Variants in SPON2 observed in about 807,000 individuals in gnomAD.
SPON2 encodes spondin-2.
A neutral mutation model predicts 29.9 loss-of-function variants in SPON2; 32 were observed. That is an observed-to-expected ratio of 1.07 (90% CI 0.81 to 1.44). SPON2 has a LOEUF of 1.44. Among genes scored for constraint, SPON2 ranks in the 40% most tolerant of loss-of-function variants. The pLI is 0.00. For missense variants in SPON2, 541 were observed against 455.5 expected, an observed-to-expected ratio of 1.19 and a Z score of -1.71; for synonymous variants, 248 against 209.1, an observed-to-expected ratio of 1.19 and a Z score of -1.61.
chr4:1,175,812 TGTG>T (rs1279130662), upstream of SPON2, among the ~76,000 whole-genome samples: 3 of 151,712 alleles, frequency 2.0e-5, no homozygotes, highest in Non-Finnish European at 4.4e-5. Flanking sequence ...CTAGCTAGGA[TGTG>T]GGGTGGTGGT....
chr4:1,185,969 G>A (rs532580973), intron 1 of SPON2, among the ~76,000 whole-genome samples: 90 of 151,968 alleles, frequency 5.9e-4, no homozygotes, highest in African/African-American at 1.7e-3. Flanking sequence ...ATCTGGCCGG[G>A]CGTGGTGGCT....
At chr4:1,174,843 G>A (rs907663850), upstream of SPON2, among the ~76,000 whole-genome samples, 1 of 152,234 alleles carries the variant, frequency 6.6e-6, no homozygotes, top group East Asian at 1.9e-4. Flanking sequence ...TGTGCTGTTG[G>A]TTGAAGTCTA....
At chr4:1,183,196 C>T (rs1034961001) in intron 1 of SPON2, among the ~76,000 whole-genome samples, 16 of 147,112 alleles carry the variant, frequency 1.1e-4, no homozygotes, top group Middle Eastern at 3.2e-3. Flanking sequence ...CAGCAGAGAT[C>T]GCACCACTGC....
chr4:1,185,414 A>T (rs1727772775), intron 1 of SPON2, among the ~76,000 whole-genome samples: 1 of 151,852 alleles, frequency 6.6e-6, no homozygotes, highest in Admixed American at 6.6e-5. Context: ...GAAAACCTGG[A>T]CATCCACATG....
chr4:1,187,317 T>G (rs1577905819), intron 1 of SPON2, among the ~76,000 whole-genome samples: 2 of 152,296 alleles, frequency 1.3e-5, no homozygotes, highest in Middle Eastern at 6.8e-3. Flanking sequence ...CTTAGAATAG[T>G]CACATTCAGA....
upstream of SPON2, among the ~76,000 whole-genome samples, chr4:1,175,740 G>C (rs1727582138): frequency 6.6e-6 from 1 of 151,898 alleles, no homozygotes; most frequent in Admixed American, 6.6e-5. Flanking sequence ...GTAGTGGTGG[G>C]CCCAGGCCTC....
At chr4:1,198,579 C>T (rs1269386154), upstream of SPON2, among the ~76,000 whole-genome samples, 1 of 151,964 alleles carries the variant, frequency 6.6e-6, no homozygotes. Context: ...GCAGCATCAG[C>T]GGATTCTACA....
upstream of SPON2, chr4:1,199,116 A>C (rs1393095315): frequency 6.6e-6 from 1 of 152,164 alleles, no homozygotes; most frequent in Middle Eastern, 3.2e-3. This position sits in a 1 kb window ranked among gnomAD's most constrained non-coding sequence, Gnocchi z 4.5. Context: ...ATTAAAAATC[A>C]GGCCAGGTGC....
intron 1 of SPON2, among the ~76,000 whole-genome samples, chr4:1,200,469 C>T (rs933756800): frequency 2.7e-4 from 41 of 151,900 alleles, no homozygotes; most frequent in African/African-American, 8.7e-4. Context: ...GCCCTGGTGT[C>T]AGAGCAGGGG....
In SPON2 at chr4:1,167,712, A is replaced by G; in HGVS notation, c.812-56T>C. 2.6e-6 allele frequency: 4 copies of G among 1,521,274 alleles called. No homozygotes were observed. The South Asian group carries it at 5.1e-5, about 19-fold the overall frequency. The allele number at this position is 1,521,274 out of a possible 1,614,324, so 94.2% of individuals were successfully genotyped here. On this transcript the variant is annotated intron_variant, in intron 5 of 5. Coordinates refer to ENST00000290902, the MANE Select transcript of SPON2 (RefSeq NM_012445.4). ...ACGCTCGCGTGAAGAGGCGCTTCGT[A>G]CAAACGGAAGCCACCTCCCACCAAC... is the stretch of plus-strand genomic sequence containing the variant.
At chr4:1,175,360 G>C (rs1560204111), upstream of SPON2, among the ~76,000 whole-genome samples, 2 of 152,262 alleles carry the variant, frequency 1.3e-5, no homozygotes, top group African/African-American at 4.8e-5. Context: ...CTCACAGGAG[G>C]CCAAGGAGGC....
At chr4:1,176,479 T>G (rs1166348702), upstream of SPON2, among the ~76,000 whole-genome samples, 1 of 152,074 alleles carries the variant, frequency 6.6e-6, no homozygotes, top group East Asian at 1.9e-4. Flanking sequence ...CATTCATCCA[T>G]TCACACAGTA....
upstream of SPON2, among the ~76,000 whole-genome samples, chr4:1,175,343 A>T (rs1178780358): frequency 2.6e-5 from 4 of 152,216 alleles, no homozygotes; most frequent in Non-Finnish European, 5.9e-5. Context: ...TTCCAGGCTC[A>T]CCCAGTCTCA....
intron 1 of SPON2, among the ~76,000 whole-genome samples, chr4:1,194,485 G>C (rs549001020): frequency 1.3e-5 from 2 of 151,484 alleles, no homozygotes; most frequent in African/African-American, 2.5e-5. Flanking sequence ...CGGGGAAGCC[G>C]GGCCGCGGTA....
intron 1 of SPON2, among the ~76,000 whole-genome samples, chr4:1,207,349 CCA>C (rs1728367784): frequency 6.6e-6 from 1 of 152,150 alleles, no homozygotes; most frequent in Admixed American, 6.5e-5. Context: ...CCCGGCGTCC[CCA>C]CAGTGGGCAC....
At chr4:1,188,926 C>T (rs1394864352) in intron 1 of SPON2, among the ~76,000 whole-genome samples, 1 of 152,108 alleles carries the variant, frequency 6.6e-6, no homozygotes, top group Non-Finnish European at 1.5e-5. Flanking sequence ...AGAATAAACC[C>T]GATGTTGTCA....
intron 4 of SPON2, 27 bp from the exon 5 acceptor site, chr4:1,170,603 CT>C: frequency 6.3e-7 from 1 of 1,593,482 alleles, no homozygotes; most frequent in African/African-American, 1.3e-5. Flanking sequence ...GGAGGTTGGC[CT>C]GGGGTCCGAG....
At chr4:1,203,964 A>T (rs1403241130) in intron 1 of SPON2, among the ~76,000 whole-genome samples, 1 of 151,928 alleles carries the variant, frequency 6.6e-6, no homozygotes, top group Non-Finnish European at 1.5e-5. Flanking sequence ...TCTGCCTCCC[A>T]GGTTCAAGCA....
At chr4:1,167,941 G>A (rs1871758) in intron 5 of SPON2, 357,519 of 365,320 alleles carry the variant, frequency 0.98, 175,361 homozygotes, top group East Asian at 1. Flanking sequence ...GCAGAGTAAG[G>A]GGCCCCTGGG....
Sources: gnomAD v4.1 joint callset for allele counts (sites outside exome capture counted in the v4.1 genomes callset) on GRCh38, gnomAD v4.1.1 for gene constraint, Gnocchi (gnomAD v3.1) non-coding constraint, MANE v1.5 for transcripts, NCBI Gene and HGNC (gene_info 2026-07-23, HGNC 2026-07-21) for gene names.